CTNS: variants seen among roughly 807,000 people sequenced by gnomAD.
CTNS encodes the protein cystinosin.
Under a neutral mutation model 43.7 loss-of-function variants are expected in CTNS, and 27 were observed. That is an observed-to-expected ratio of 0.62 (90% CI 0.46 to 0.85). The LOEUF (loss-of-function observed/expected upper bound fraction) is 0.85. CTNS is among the 40% of genes least tolerant of loss of function. CTNS has a pLI of 0.00. For missense variants in CTNS, 457 were observed against 475.4 expected, an observed-to-expected ratio of 0.96 and a Z score of 0.36; for synonymous variants, 187 against 190.6, an observed-to-expected ratio of 0.98 and a Z score of 0.16.
chr17:3,656,834 A>G, intron 9 of CTNS, 39 bp downstream of exon 9: 2 of 1,611,122 alleles, frequency 1.2e-6, no homozygotes, highest in Non-Finnish European at 1.7e-6. Flanking sequence ...CACCCCAGCC[A>G]ACACCCGCCA....
chr17:3,655,245 C>G lies in CTNS; in HGVS notation c.354C>G (p.Ile118Met). The G allele has an allele frequency of 6.2e-7, 1 of 1,614,192 alleles. No homozygotes were observed. Among genetic ancestry groups the G allele is most frequent in the Non-Finnish European group, 8.5e-7 (1 of 1,180,042 alleles). Residue 118 changes from isoleucine (I) to methionine (M), a missense_variant, in exon 7 of 12, where the codon ATC becomes ATG. By Grantham distance (10) the Ile-to-Met change is conservative. Coordinates refer to ENST00000046640, the MANE Select transcript of CTNS (RefSeq NM_004937.3). ...QTGPRIRFLV[I>M]RSSAISIINQ... is the part of the protein sequence containing the mutation. ...GCCCGAGGATACGCTTTCTTGTGAT[C>G]CGCAGCAGCGCCATTAGCATCATAA...
intron 9 of CTNS, chr17:3,657,509 T>C: frequency 4.6e-6 from 1 of 217,968 alleles, no homozygotes; most frequent in South Asian, 7.5e-5. Context: ...TCTTAGCTTT[T>C]GGTGTGAAGC....
intron 3 of CTNS, among the ~76,000 whole-genome samples, chr17:3,646,803 C>T (rs2075853646): frequency 6.6e-6 from 1 of 152,058 alleles, no homozygotes; most frequent in Non-Finnish European, 1.5e-5. Flanking sequence ...GCCTGTTTGT[C>T]AACTTGATTC....
chr17:3,646,209 A>G (rs1006807109), intron 3 of CTNS, among the ~76,000 whole-genome samples: 3 of 152,150 alleles, frequency 2.0e-5, no homozygotes, highest in African/African-American at 7.2e-5. Flanking sequence ...ACGGGGCTGC[A>G]CAAAGAATAC....
Position 3,661,750 on chromosome 17 carries a change from C to T in CTNS, c.*1381C>T, listed in dbSNP as rs2076281336. Among the ~76,000 whole-genome samples the T allele has an allele frequency of 6.6e-6, 1 of 152,212 alleles. No homozygotes were observed. ...GTCAGTCTCCCAGGCTCCGTGTCTT[C>T]ACGGTTACCAGGGCACGCCACTCAA... On this transcript the variant is annotated 3_prime_UTR_variant, in exon 12 of 12. Coordinates refer to ENST00000046640, the MANE Select transcript of CTNS (RefSeq NM_004937.3).
chr17:3,656,010 G>A (rs2076122826), intron 7 of CTNS: 3 of 314,800 alleles, frequency 9.5e-6, no homozygotes, highest in South Asian at 5.7e-5. Flanking sequence ...CCTTCCCCGT[G>A]GCCTGGGAGC....
At chr17:3,643,175 G>A (rs1169388473) in intron 3 of CTNS, among the ~76,000 whole-genome samples, 4 of 151,836 alleles carry the variant, frequency 2.6e-5, no homozygotes, top group East Asian at 1.9e-4. Context: ...TTAGTCGGGC[G>A]TGGTGGCGGG....
intron 3 of CTNS, among the ~76,000 whole-genome samples, chr17:3,647,214 G>A (rs1335354904): frequency 2.6e-5 from 4 of 152,214 alleles, no homozygotes; most frequent in African/African-American, 9.6e-5. Flanking sequence ...CGCAGCGGGA[G>A]GAGGACGCTC....
At chr17:3,639,536 G>T (rs970860919) in intron 2 of CTNS, among the ~76,000 whole-genome samples, 1 of 151,794 alleles carries the variant, frequency 6.6e-6, no homozygotes, top group Non-Finnish European at 1.5e-5. Context: ...GGCATGGTGG[G>T]GGGCACCTGT....
intron 10 of CTNS, among the ~76,000 whole-genome samples, chr17:3,658,928 A>G (rs1175520473): frequency 6.6e-6 from 1 of 150,994 alleles, no homozygotes; most frequent in Non-Finnish European, 1.5e-5. Flanking sequence ...AACAGTGTTG[A>G]GCATGTTGAA....
rs1162919391 is a variant in CTNS at position 3,661,329 on chromosome 17, C to T, written c.*960C>T. On this transcript the variant is annotated 3_prime_UTR_variant, in exon 12 of 12. Transcript: ENST00000046640. ...CAGGAGCCTCAGATAAGTATTTGTA[C>T]TTGAGACCACCTCACACAATCTGTA... 1 of 168,960 alleles carries T rather than the reference C, an allele frequency of 5.9e-6. No individual in the cohort carries two copies. Among genetic ancestry groups the T allele is most frequent in the African/African-American group, 2.4e-5 (1 of 41,752 alleles). The allele number at this position is 168,960 out of a possible 1,614,324, so 10.5% of individuals were successfully genotyped here. A position where few individuals can be genotyped will look rare whatever the true frequency, so the allele number is the denominator to read the frequency against.
intron 5 of CTNS, among the ~76,000 whole-genome samples, chr17:3,652,960 G>C (rs976596754): frequency 3.3e-5 from 5 of 152,090 alleles, no homozygotes; most frequent in South Asian, 2.1e-4. Context: ...GTGCTTCAAG[G>C]GTCCTCATTA....
chr17:3,656,951 G>C (rs1348176801), intron 9 of CTNS, 156 bp downstream of exon 9: 4 of 1,180,174 alleles, frequency 3.4e-6, no homozygotes, highest in Middle Eastern at 2.7e-4. Context: ...ATGAGTCCAG[G>C]CCCTCAGAGC....
At position 3,659,907 on chromosome 17, in the gene CTNS, A is replaced by G. The variant is rs753578123; in HGVS notation, c.902A>G (p.Asn301Ser). 8 of 1,613,990 alleles carry G rather than the reference A, an allele frequency of 5.0e-6. No individual in the cohort carries two copies. The highest frequency in any genetic ancestry group is 6.8e-6 in the Non-Finnish European group (8 of 1,179,994). The change falls in exon 11 of 12, where the codon AAC becomes AGC. Residue 301 changes from asparagine (N) to serine (S), a missense_variant. Coordinates refer to ENST00000046640, the MANE Select transcript of CTNS (RefSeq NM_004937.3). ...YKSTEGWSIG[N>S]VLLDFTGGSF... The stretch of plus-strand genomic sequence containing the variant: ...AGCACTGAGGGCTGGAGCATTGGCA[A>G]CGTGCTCCTGGACTTCACCGGGGGC...
intron 2 of CTNS, among the ~76,000 whole-genome samples, chr17:3,639,701 A>G (rs1448231302): frequency 6.6e-6 from 1 of 152,044 alleles, no homozygotes; most frequent in Admixed American, 6.6e-5. Flanking sequence ...TATATTAAAA[A>G]AAAATGTTTT....
At chr17:3,640,294 TTGTAAAGAG>T in intron 3 of CTNS, 27 bp downstream of exon 3, 1 of 1,604,534 alleles carries the variant, frequency 6.2e-7, no homozygotes, top group East Asian at 2.2e-5. Context: ...CACGTCAACT[TTGTAAAGAG>T]GGAAATGGTG....
chr17:3,647,564 C>A, intron 4 of CTNS, 42 bp downstream of exon 4: 4 of 1,578,730 alleles, frequency 2.5e-6, no homozygotes, highest in Non-Finnish European at 3.5e-6. Context: ...TCCGCTCAGG[C>A]CCCGCAGCTG....
chr17:3,660,966 C>A lies in CTNS; in HGVS notation c.*597C>A. On this transcript the variant is annotated 3_prime_UTR_variant, in exon 12 of 12. Coordinates refer to ENST00000046640, the MANE Select transcript of CTNS (RefSeq NM_004937.3). ...AGCCCTACCCAGAGTATTTCTGAGCCATGAGGGGCCCACCAGATTGGTTCT... is the reference window on the plus strand; with the variant it reads ...AGCCCTACCCAGAGTATTTCTGAGCAATGAGGGGCCCACCAGATTGGTTCT... 1 of 617,826 alleles carries A rather than the reference C, an allele frequency of 1.6e-6. No individual in the cohort carries two copies. Among genetic ancestry groups the A allele is most frequent in the Non-Finnish European group, 2.8e-6 (1 of 355,042 alleles). The allele number at this position is 617,826 out of a possible 1,614,324, so 38.3% of individuals were successfully genotyped here.
At chr17:3,642,083 G>GTA (rs1597604090) in intron 3 of CTNS, among the ~76,000 whole-genome samples, 1 of 81,208 alleles carries the variant, frequency 1.2e-5, no homozygotes, top group African/African-American at 3.7e-5. Flanking sequence ...GTGTGTGTGT[G>GTA]CCTGGGCGTG....
Sources: allele counts gnomAD v4.1 joint callset (sites outside exome capture counted in the v4.1 genomes callset), GRCh38; gene constraint gnomAD v4.1.1; transcripts MANE v1.5; gene names NCBI Gene and HGNC (gene_info 2026-07-23, HGNC 2026-07-21).